Variants in KMT2B observed in about 807,000 individuals in gnomAD.
KMT2B encodes the protein histone-lysine N-methyltransferase 2B.
Under a neutral mutation model 255.3 loss-of-function variants are expected in KMT2B, and 22 were observed. The ratio of observed to expected loss-of-function variants is 0.09; its 90% confidence interval spans 0.06 to 0.12. The LOEUF (loss-of-function observed/expected upper bound fraction) is 0.12. KMT2B is among the 10% of genes least tolerant of loss of function. The pLI, the probability that KMT2B is intolerant of heterozygous loss-of-function variation, is 1.00. For missense variants in KMT2B, 3,149 were observed against 3,737.0 expected (o/e 0.84, Z 4.10); for synonymous variants, 1,730 against 1,498.1 (o/e 1.15, Z -3.57).
At chr19:35,736,241 A>C (rs1969911133) in intron 30 of KMT2B, 1 of 164,930 alleles carries the variant, frequency 6.1e-6, no homozygotes, top group Admixed American at 5.6e-5. Context: ...ACAGAACGAG[A>C]CTTTGTCTCA....
At chr19:35,734,395 A>G (rs550115004) in intron 30 of KMT2B, among the ~76,000 whole-genome samples, 11 of 152,280 alleles carry the variant, frequency 7.2e-5, no homozygotes, top group African/African-American at 2.2e-4. Flanking sequence ...GTCCAAGTCC[A>G]GAATTGAGAC....
At position 35,738,593 on chromosome 19, in the gene KMT2B, T is replaced by G. The variant is rs779151648; in HGVS notation, c.*36T>G. ...GCCCACCACGACCCCTCACACCTCC[T>G]GCTGCCGTCGCTGCCATCTTGCCCC... On this transcript the variant is annotated 3_prime_UTR_variant, in exon 37 of 37. Coordinates refer to ENST00000420124, the MANE Select transcript of KMT2B (RefSeq NM_014727.3). This position sits in a 1 kb window ranked among gnomAD's most constrained non-coding sequence, Gnocchi z 8.7. 6.3e-7 allele frequency: 1 copy of G among 1,594,084 alleles called. No homozygotes were observed. Among genetic ancestry groups the G allele is most frequent in the South Asian group, 1.1e-5 (1 of 88,754 alleles).
Position 35,737,696 on chromosome 19 carries a change from G to A in KMT2B, c.7611G>A (p.Gly2537=), listed in dbSNP as rs779217910. The stretch of plus-strand genomic sequence containing the variant: ...CCCAGCACCGGGTGCTCCCTGAGGG[G>A]GCCACCTGTGATGAGGAAGAGGATG... ...LASQHRVLPE[G]ATCDEEEDEV... Residue 2537 remains glycine (G), a synonymous_variant, in exon 34 of 37, where the codon GGG becomes GGA. Coordinates refer to ENST00000420124, the MANE Select transcript of KMT2B (RefSeq NM_014727.3). This position sits in a 1 kb window ranked among gnomAD's most constrained non-coding sequence, Gnocchi z 5.3. 3 of 1,584,034 alleles carry A rather than the reference G, an allele frequency of 1.9e-6. No homozygotes were observed. The African/African-American group carries it at 4.0e-5, about 21-fold the overall frequency.
intron 1 of KMT2B, 67 bp from the exon 2 acceptor site, chr19:35,719,402 C>T: frequency 1.7e-6 from 2 of 1,166,478 alleles, no homozygotes; most frequent in Admixed American, 2.2e-5. Flanking sequence ...TCCTCGATAC[C>T]TCAGATGGAA....
In KMT2B at chr19:35,732,640, A is replaced by G. The variant is rs776173594; in HGVS notation, c.6091A>G (p.Thr2031Ala). ...CAGCTCCGAGGAGGAGTCCAGCCCC[A>G]CCTCCCGCTACATCCACTTCCCTGT... Reference protein sequence around the residue: ...GDSSEEESSPTSRYIHFPVTV... With the variant: ...GDSSEEESSPASRYIHFPVTV... The change falls in exon 28 of 37, where the codon ACC (threonine) becomes GCC (alanine). Residue 2031 changes from threonine (T) to alanine (A), a missense_variant. Around this residue, in one of 18 missense-constraint regions of KMT2B, gnomAD observed 897 missense variants for 825.3 expected, o/e 1.09. Coordinates refer to ENST00000420124, the MANE Select transcript of KMT2B (RefSeq NM_014727.3). 1.2e-6 allele frequency: 2 copies of G among 1,609,102 alleles called. No individual in the cohort carries two copies. The highest frequency in any genetic ancestry group is 2.7e-5 in the African/African-American group (2 of 74,672).
At position 35,723,612 on chromosome 19, in the gene KMT2B, T is replaced by G. The variant is rs1340837312; in HGVS notation, c.3058+110T>G. ...CTTGCAGCTCACCCTCTCCATCTTC[T>G]CCGTTGTGTGCTTTCATAGCTCCTG... On this transcript the variant is annotated intron_variant, in intron 7 of 36. Coordinates refer to ENST00000420124, the MANE Select transcript of KMT2B (RefSeq NM_014727.3). This position sits in a 1 kb window ranked among gnomAD's most constrained non-coding sequence, Gnocchi z 7.5. The G allele has an allele frequency of 9.2e-6, 12 of 1,298,382 alleles. No individual in the cohort carries two copies. In the East Asian group the frequency reaches 2.3e-4, roughly 25 times the overall value. 80.4% of individuals were successfully genotyped at this position (1,298,382 alleles called of 1,614,324 possible). A position where few individuals can be genotyped will look rare whatever the true frequency, so the allele number is the denominator to read the frequency against.
Position 35,736,970 on chromosome 19 carries a change from A to G in KMT2B, c.7356A>G (p.Arg2452=). The change falls in exon 32 of 37, where the codon AGA becomes AGG. Residue 2452 remains arginine (R), a synonymous_variant. Coordinates refer to ENST00000420124, the MANE Select transcript of KMT2B (RefSeq NM_014727.3). ...VQEARGHARL[R]HLSFSGMSGA... is the part of the protein sequence containing the mutation. The stretch of plus-strand genomic sequence containing the variant: ...AGGCCCGAGGGCATGCCCGACTCAG[A>G]CATCTCTCCTTTAGTGGTAAGGAGT... 1 of 1,613,776 alleles carries G rather than the reference A, an allele frequency of 6.2e-7. No homozygotes were observed.
chr19:35,722,930 G>A, intron 5 of KMT2B, 65 bp from the exon 6 acceptor site: 1 of 1,466,900 alleles, frequency 6.8e-7, no homozygotes, highest in South Asian at 1.4e-5. Flanking sequence ...TGGGAAAGCA[G>A]GGAAGTGAGG....
In KMT2B at chr19:35,733,281, C is replaced by G; in HGVS notation, c.6732C>G (p.Pro2244=). ...CAGGCCCCCTCCTCGGCGTGCTGCC[C>G]GTGGTCGGAGTGGTCCGCCCTGCCC... The part of the protein sequence containing the change: ...LPPGPLLGVL[P]VVGVVRPAPP... The change falls in exon 28 of 37, where the codon CCC becomes CCG. Residue 2244 remains proline (P), a synonymous_variant. Transcript: ENST00000420124. The surrounding 1 kb of genome is among the most constrained non-coding windows in gnomAD (Gnocchi z 4.3). The G allele has an allele frequency of 6.7e-7, 1 of 1,490,472 alleles. No individual in the cohort carries two copies. The allele number at this position is 1,490,472 out of a possible 1,614,324, so 92.3% of individuals were successfully genotyped here. A position where few individuals can be genotyped will look rare whatever the true frequency, so the allele number is the denominator to read the frequency against.
chr19:35,732,267 C>G lies in KMT2B; in HGVS notation c.5718C>G (p.Phe1906Leu), dbSNP rs1450768505. Residue 1906 changes from phenylalanine (F) to leucine (L), a missense_variant, in exon 28 of 37, where the codon TTC (phenylalanine) becomes TTG (leucine). Phe to Leu is a conservative substitution (Grantham distance 22). Transcript: ENST00000420124. ...TCCCCACAGTGGGAGACCCGGACTT[C>G]CCAGCTCCCCCCAGACGTTCCCGTC... The part of the protein sequence containing the change: ...HHIPTVGDPD[F>L]PAPPRRSRRP... 1.9e-6 allele frequency: 3 copies of G among 1,608,618 alleles called. No homozygotes were observed. The highest frequency in any genetic ancestry group is 1.7e-6 in the Non-Finnish European group (2 of 1,177,408).
Position 35,727,564 on chromosome 19 carries a change from A to G in KMT2B, c.4244A>G (p.Gln1415Arg). The change falls in exon 16 of 37, where the codon CAG becomes CGG. Residue 1415 changes from glutamine (Q) to arginine (R), a missense_variant. This residue lies in a region of KMT2B where 377 missense variants were observed against 471.0 expected (regional missense o/e 0.80). Coordinates refer to ENST00000420124, the MANE Select transcript of KMT2B (RefSeq NM_014727.3). The surrounding 1 kb of genome is among the most constrained non-coding windows in gnomAD (Gnocchi z 4.2). The stretch of plus-strand genomic sequence containing the variant: ...GGGGCCCTCCAGGGGGGCCTGCGCC[A>G]GGTGCTCCAGGGCCTGCTGAGCTCC... ...LSGALQGGLR[Q>R]VLQGLLSSKV... 6.2e-7 allele frequency: 1 copy of G among 1,606,432 alleles called. No individual in the cohort carries two copies. Among genetic ancestry groups the G allele is most frequent in the Non-Finnish European group, 8.5e-7 (1 of 1,178,242 alleles).
intron 2 of KMT2B, 102 bp from the exon 3 acceptor site, chr19:35,719,682 G>A: frequency 2.0e-6 from 3 of 1,520,648 alleles, no homozygotes; most frequent in Non-Finnish European, 2.7e-6. Context: ...CTGGGCAGCG[G>A]GGGAAACACA....
chr19:35,719,434 C>T (rs1969091073), intron 1 of KMT2B, 35 bp from the exon 2 acceptor site: 2 of 1,490,244 alleles, frequency 1.3e-6, no homozygotes, highest in Non-Finnish European at 9.2e-7. Context: ...GCACTGACTG[C>T]TGTTTCTCCC....
chr19:35,725,334 G>T lies in KMT2B; in HGVS notation c.3642+1G>T. Reference sequence around the variant, plus strand: ...GTGTGCCAGCAAAGGACTCCACGAGGTTAGATCTCTGCCTTTCTTCACAGA... The same window carrying T: ...GTGTGCCAGCAAAGGACTCCACGAGTTTAGATCTCTGCCTTTCTTCACAGA... On this transcript the variant is annotated splice_donor_variant, in intron 11 of 36. Coordinates refer to ENST00000420124, the MANE Select transcript of KMT2B (RefSeq NM_014727.3). LOFTEE classifies it high-confidence loss of function. This position sits in a 1 kb window ranked among gnomAD's most constrained non-coding sequence, Gnocchi z 4.1. The T allele has an allele frequency of 6.4e-7, 1 of 1,562,102 alleles. No individual in the cohort carries two copies. The highest frequency in any genetic ancestry group is 1.2e-5 in the South Asian group (1 of 82,554).
rs748669469 is a variant in KMT2B at position 35,733,583 on chromosome 19, G to A, written c.6960-14G>A. The A allele has an allele frequency of 2.8e-5, 44 of 1,563,630 alleles. No individual in the cohort carries two copies. Among genetic ancestry groups the A allele is most frequent in the Non-Finnish European group, 3.6e-5 (42 of 1,154,324 alleles). On this transcript the variant is annotated splice_polypyrimidine_tract_variant and intron_variant, in intron 28 of 36. Coordinates refer to ENST00000420124, the MANE Select transcript of KMT2B (RefSeq NM_014727.3). The surrounding 1 kb of genome is among the most constrained non-coding windows in gnomAD (Gnocchi z 4.3). ...GGGAGATGCGGCTCATCCTTCTCGG[G>A]CTCGCCCTCCCAGGTTTAGCCGTGT...
In KMT2B at chr19:35,737,021, G is replaced by A. The variant is rs1295626365; in HGVS notation, c.7372+35G>A. On this transcript the variant is annotated intron_variant, in intron 32 of 36. Coordinates refer to ENST00000420124, the MANE Select transcript of KMT2B (RefSeq NM_014727.3). This position sits in a 1 kb window ranked among gnomAD's most constrained non-coding sequence, Gnocchi z 5.3. ...GGGCCCCACAGGGGGCAGGGAGCTG[G>A]ATGTCTCCCCGAGGGCACCATGGGC... The A allele has an allele frequency of 1.9e-6, 3 of 1,610,852 alleles. No individual in the cohort carries two copies. In the African/African-American group the frequency reaches 4.0e-5, roughly 22 times the overall value.
chr19:35,718,049 C>G lies in KMT2B; in HGVS notation c.31C>G (p.Pro11Ala). 1 of 986,448 alleles carries G rather than the reference C, an allele frequency of 1.0e-6. No homozygotes were observed. The highest frequency in any genetic ancestry group is 1.2e-6 in the Non-Finnish European group (1 of 831,864). The allele number at this position is 986,448 out of a possible 1,614,324, so 61.1% of individuals were successfully genotyped here. Residue 11 changes from proline to alanine, a missense_variant, in exon 1 of 37, where the codon CCC (proline) becomes GCC (alanine). By Grantham distance (27) the Pro-to-Ala change is conservative. This residue lies in a region of KMT2B where 15 missense variants were observed against 16.8 expected (regional missense o/e 0.89). Transcript: ENST00000420124. The surrounding 1 kb of genome is among the most constrained non-coding windows in gnomAD (Gnocchi z 5.0). MAAAAGGGSC[P>A]GPGSARGRFP... Reference sequence around the variant, plus strand: ...GGCGGCGGCGGGCGGCGGCAGTTGCCCCGGGCCTGGCTCCGCGCGGGGCCG... The same window carrying G: ...GGCGGCGGCGGGCGGCGGCAGTTGCGCCGGGCCTGGCTCCGCGCGGGGCCG...
Position 35,725,117 on chromosome 19 carries a change from G to C in KMT2B, c.3528+30G>C. On this transcript the variant is annotated intron_variant, in intron 10 of 36. Coordinates refer to ENST00000420124, the MANE Select transcript of KMT2B (RefSeq NM_014727.3). The surrounding 1 kb of genome is among the most constrained non-coding windows in gnomAD (Gnocchi z 4.1). ...GGCATTGAGTGGGGCGAGTCACAGA[G>C]CCTCTGGTTGGAAGAACCTCGATGA... 1 of 1,592,924 alleles carries C rather than the reference G, an allele frequency of 6.3e-7. No homozygotes were observed. The highest frequency in any genetic ancestry group is 8.6e-7 in the Non-Finnish European group (1 of 1,160,672).
At chr19:35,729,773 T>C (rs1444539934) in intron 22 of KMT2B, among the ~76,000 whole-genome samples, 194 bp from the exon 23 acceptor site, 1 of 152,216 alleles carries the variant, frequency 6.6e-6, no homozygotes, top group Non-Finnish European at 1.5e-5. Context: ...CAGCAAGTAT[T>C]GTCATTCTTG....
Sources: allele counts gnomAD v4.1 joint callset (sites outside exome capture counted in the v4.1 genomes callset), GRCh38; gene constraint gnomAD v4.1.1; regional missense constraint gnomAD v4.1.1; non-coding constraint Gnocchi (gnomAD v3.1); transcripts MANE v1.5; gene names NCBI Gene and HGNC (gene_info 2026-07-23, HGNC 2026-07-21).